CACNA2D3: variants seen among roughly 807,000 people sequenced by gnomAD.
CACNA2D3 encodes calcium voltage-gated channel auxiliary subunit alpha2delta 3, also known as voltage-dependent calcium channel subunit alpha-2/delta-3.
In CACNA2D3, 60 loss-of-function variants were observed where a neutral mutation model predicts 160.6. The observed-to-expected ratio is 0.37, with a 90% CI of 0.30 to 0.46. The LOEUF (loss-of-function observed/expected upper bound fraction) is 0.46, where lower values mean the gene tolerates loss of function less well. CACNA2D3 is among the 20% of genes least tolerant of loss of function. The pLI, the probability that CACNA2D3 is intolerant of heterozygous loss-of-function variation, is 1.00. For missense variants in CACNA2D3, 1,205 were observed against 1,365.0 expected, an observed-to-expected ratio of 0.88 and a Z score of 1.85; for synonymous variants, 558 against 492.9, an observed-to-expected ratio of 1.13 and a Z score of -1.75.
At chr3:55,019,812 C>T (rs1449875068) in intron 35 of CACNA2D3, among the ~76,000 whole-genome samples, 1 of 152,190 alleles carries the variant, frequency 6.6e-6, no homozygotes, top group Non-Finnish European at 1.5e-5. Flanking sequence ...AACCATGTCT[C>T]ATTCCTGATT....
intron 31 of CACNA2D3, among the ~76,000 whole-genome samples, chr3:54,990,252 C>G (rs923039598): frequency 1.3e-5 from 2 of 152,138 alleles, no homozygotes; most frequent in African/African-American, 4.8e-5. Context: ...AATTTCAGAC[C>G]GGGTGCAGTG....
intron 33 of CACNA2D3, among the ~76,000 whole-genome samples, chr3:55,008,886 T>TACACACACACACACAC (rs1491125549): frequency 8.8e-4 from 47 of 53,292 alleles, no homozygotes; most frequent in Non-Finnish European, 1.5e-3. Context: ...CACCTCCCTC[T>TACACACACACACACAC]ATACACACAC....
chr3:54,780,630 T>G (rs1702515386), intron 13 of CACNA2D3, among the ~76,000 whole-genome samples: 1 of 152,180 alleles, frequency 6.6e-6, no homozygotes, highest in African/African-American at 2.4e-5. Context: ...TTCATCAGAT[T>G]GTAAATGCTC....
intron 5 of CACNA2D3, among the ~76,000 whole-genome samples, chr3:54,547,023 G>A (rs1486229841): frequency 6.6e-6 from 1 of 152,164 alleles, no homozygotes; most frequent in Non-Finnish European, 1.5e-5. Flanking sequence ...TCAGGAGTTA[G>A]CAGTTAGTAT....
intron 5 of CACNA2D3, among the ~76,000 whole-genome samples, chr3:54,547,698 T>A (rs1160782059): frequency 1.2e-4 from 8 of 64,306 alleles, no homozygotes; most frequent in East Asian, 5.2e-4. Flanking sequence ...TTTTTTTTTT[T>A]AAGAGAGACA....
At chr3:54,998,813 C>G (rs1331331928) in intron 31 of CACNA2D3, among the ~76,000 whole-genome samples, 1 of 152,108 alleles carries the variant, frequency 6.6e-6, no homozygotes, top group Non-Finnish European at 1.5e-5. Context: ...GTGGCGTGGT[C>G]TCAGCTCACT....
intron 31 of CACNA2D3, among the ~76,000 whole-genome samples, chr3:55,002,646 G>C (rs767285422): frequency 4.9e-4 from 75 of 152,352 alleles, no homozygotes; most frequent in Non-Finnish European, 3.4e-4. Flanking sequence ...CTTCTTGCCT[G>C]CATCTGTGTA....
intron 27 of CACNA2D3, among the ~76,000 whole-genome samples, chr3:54,925,502 A>G (rs1700988392): frequency 6.6e-6 from 1 of 152,224 alleles, no homozygotes; most frequent in Non-Finnish European, 1.5e-5. Flanking sequence ...AGTGATATCA[A>G]ATAGAAGGGT....
intron 2 of CACNA2D3, among the ~76,000 whole-genome samples, chr3:54,227,402 T>C (rs1701693088): frequency 6.6e-6 from 1 of 152,124 alleles, no homozygotes; most frequent in South Asian, 2.1e-4. Context: ...CCCATGAAGT[T>C]GTTTACTTAG....
At chr3:54,918,047 A>T (rs747040084) in intron 27 of CACNA2D3, among the ~76,000 whole-genome samples, 1 of 152,132 alleles carries the variant, frequency 6.6e-6, no homozygotes, top group Non-Finnish European at 1.5e-5. Flanking sequence ...CAAGCACTCA[A>T]AATTGGGCAG....
chr3:54,957,980 G>C (rs1234249595), intron 27 of CACNA2D3, among the ~76,000 whole-genome samples: 1 of 152,168 alleles, frequency 6.6e-6, no homozygotes, highest in African/African-American at 2.4e-5. Context: ...TAGATGTCTG[G>C]AGAGAGCAAA....
intron 9 of CACNA2D3, among the ~76,000 whole-genome samples, chr3:54,599,443 A>G (rs1238364550): frequency 6.6e-6 from 1 of 152,202 alleles, no homozygotes; most frequent in Non-Finnish European, 1.5e-5. Flanking sequence ...TGCTATGGTC[A>G]GGCCCTTTAT....
chr3:54,760,843 T>G (rs1478746093), intron 12 of CACNA2D3, among the ~76,000 whole-genome samples: 2 of 152,172 alleles, frequency 1.3e-5, no homozygotes, highest in East Asian at 3.9e-4. Flanking sequence ...GGGAGAGGAA[T>G]GGATTTGGGA....
intron 9 of CACNA2D3, among the ~76,000 whole-genome samples, chr3:54,617,965 T>C (rs75321141): frequency 6.6e-6 from 1 of 150,752 alleles, no homozygotes; most frequent in African/African-American, 2.5e-5. Flanking sequence ...TTTTTTTTTT[T>C]AATTGTTGTT....
intron 2 of CACNA2D3, among the ~76,000 whole-genome samples, chr3:54,235,221 T>A (rs570022350): frequency 5.3e-5 from 8 of 151,968 alleles, no homozygotes; most frequent in Non-Finnish European, 8.8e-5. Flanking sequence ...GACAGAGGGG[T>A]CAACTGAGAA....
intron 13 of CACNA2D3, among the ~76,000 whole-genome samples, chr3:54,814,290 C>T (rs867110729): frequency 2.0e-5 from 3 of 152,250 alleles, no homozygotes; most frequent in Non-Finnish European, 2.9e-5. Flanking sequence ...TAGCGGCCAT[C>T]CAAGACCTGG....
At chr3:54,710,651 T>C (rs1001797256) in intron 11 of CACNA2D3, among the ~76,000 whole-genome samples, 1 of 151,870 alleles carries the variant, frequency 6.6e-6, no homozygotes, top group Admixed American at 6.6e-5. Context: ...GAAGAGAAAA[T>C]GGGATTGGTG....
At chr3:54,271,142 G>A (rs1489080143) in intron 2 of CACNA2D3, among the ~76,000 whole-genome samples, 1 of 152,218 alleles carries the variant, frequency 6.6e-6, no homozygotes, top group African/African-American at 2.4e-5. Flanking sequence ...TTGGGACCAT[G>A]TGTCTAGAGA....
At chr3:54,871,809 C>G (rs1699542619) in intron 18 of CACNA2D3, among the ~76,000 whole-genome samples, 187 bp downstream of exon 18, 1 of 152,170 alleles carries the variant, frequency 6.6e-6, no homozygotes, top group Non-Finnish European at 1.5e-5. Flanking sequence ...GTCAGTCGGA[C>G]CAGTTGCAGA....
Sources: gnomAD v4.1 joint callset for allele counts (sites outside exome capture counted in the v4.1 genomes callset) on GRCh38, gnomAD v4.1.1 for gene constraint, MANE v1.5 for transcripts, NCBI Gene and HGNC (gene_info 2026-07-23, HGNC 2026-07-21) for gene names.